The following TANC2 variants were observed in gnomAD, a reference collection of about 807,000 sequenced individuals.
The protein encoded by TANC2 is tetratricopeptide repeat, ankyrin repeat and coiled-coil containing 2, also known as protein TANC2.
In TANC2, 26 loss-of-function variants were observed where a neutral mutation model predicts 210.5. The observed-to-expected ratio is 0.12, with a 90% confidence interval of 0.09 to 0.17. The LOEUF (loss-of-function observed/expected upper bound fraction) is 0.17, where lower values mean the gene tolerates loss of function less well. Ranked by LOEUF, TANC2 falls within the 10% of genes least tolerant of loss-of-function variation. The pLI, the probability that TANC2 is intolerant of heterozygous loss-of-function variation, is 1.00. For synonymous variants in TANC2, 931 were observed against 967.1 expected (o/e 0.96, Z 0.69); for missense variants, 2,129 against 2,608.9 (o/e 0.82, Z 4.01).
chr17:63,120,483 G>C (rs1005893968), intron 4 of TANC2, among the ~76,000 whole-genome samples: 1 of 152,020 alleles, frequency 6.6e-6, no homozygotes, highest in African/African-American at 2.4e-5. Context: ...TTTCAAACTA[G>C]TTTGACAACT....
chr17:63,097,100 G>GCAC (rs2037416247), intron 3 of TANC2, among the ~76,000 whole-genome samples: 1 of 151,700 alleles, frequency 6.6e-6, no homozygotes, highest in Non-Finnish European at 1.5e-5. Flanking sequence ...GAGTGCAGTG[G>GCAC]TGTGATCATG....
In TANC2 at chr17:63,314,600, G is replaced by A. The variant is rs2045254146; in HGVS notation, c.1372G>A (p.Val458Met). The A allele has an allele frequency of 6.2e-7, 1 of 1,613,982 alleles. No homozygotes were observed. Among genetic ancestry groups the A allele is most frequent in the Non-Finnish European group, 8.5e-7 (1 of 1,179,872 alleles). ...CAAAACTGCCATCATCTCCAGACTGGTGGCCCTCAGCTGCCATGGTACAAG... is the reference window on the plus strand; with the variant it reads ...CAAAACTGCCATCATCTCCAGACTGATGGCCCTCAGCTGCCATGGTACAAG... Residue 458 changes from valine to methionine, a missense_variant, in exon 10 of 28, where the codon GTG becomes ATG. Physicochemically the swap from Val to Met is conservative, Grantham distance 21. Transcript: ENST00000689528.
intron 7 of TANC2, among the ~76,000 whole-genome samples, chr17:63,226,243 T>C (rs1031763564): frequency 2.6e-5 from 4 of 152,226 alleles, no homozygotes; most frequent in South Asian, 2.1e-4. Context: ...TGGCAACACC[T>C]TACTGTAATG....
At chr17:63,350,591 G>A (rs951756948) in intron 12 of TANC2, among the ~76,000 whole-genome samples, 2 of 152,154 alleles carry the variant, frequency 1.3e-5, no homozygotes, top group African/African-American at 4.8e-5. Flanking sequence ...TTTTCCACTT[G>A]ACTCCTCCAC....
intron 15 of TANC2, among the ~76,000 whole-genome samples, chr17:63,382,616 T>C (rs575473609): frequency 4.6e-5 from 7 of 152,274 alleles, no homozygotes; most frequent in Middle Eastern, 3.4e-3. Context: ...TCAAATATTT[T>C]TCTTTATTTT....
intron 3 of TANC2, among the ~76,000 whole-genome samples, chr17:63,076,916 C>T (rs2036591510): frequency 6.6e-6 from 1 of 152,006 alleles, no homozygotes; most frequent in African/African-American, 2.4e-5. Context: ...AGGATCAGTC[C>T]AGGAATTTCA....
chr17:63,422,272 A>G (rs549655149), exon 28 of TANC2: 15 of 254,778 alleles, frequency 5.9e-5, no homozygotes, highest in Admixed American at 1.5e-4. Flanking sequence ...CCAGGAGACA[A>G]TCGCTTTCAC....
chr17:63,383,273 G>C (rs1438151176), intron 15 of TANC2, among the ~76,000 whole-genome samples: 1 of 152,020 alleles, frequency 6.6e-6, no homozygotes, highest in Admixed American at 6.6e-5. Context: ...TGTCGATTTT[G>C]CCAAATGCAT....
exon 28 of TANC2, chr17:63,427,191 CTCTGT>C (rs1335712428): frequency 1.3e-5 from 2 of 152,262 alleles, no homozygotes; most frequent in African/African-American, 4.8e-5. Context: ...GCATCTTTGT[CTCTGT>C]TCTGTCTCCT....
At chr17:63,135,259 C>G (rs576392847) in intron 4 of TANC2, among the ~76,000 whole-genome samples, 7 of 152,136 alleles carry the variant, frequency 4.6e-5, no homozygotes, top group Non-Finnish European at 8.8e-5. Context: ...CATCTTGCCT[C>G]ATACCTTACA....
intron 2 of TANC2, among the ~76,000 whole-genome samples, chr17:63,046,325 CTTTTTTTTT>C (rs57550590): frequency 1.4e-4 from 6 of 44,142 alleles, no homozygotes; most frequent in African/African-American, 3.5e-4. Flanking sequence ...ACACCCAGCT[CTTTTTTTTT>C]TTTTTTTTTT....
chr17:63,354,852 C>A (rs1462951631), exon 14 of TANC2: 1 of 1,613,142 alleles, frequency 6.2e-7, no homozygotes, highest in Non-Finnish European at 8.5e-7. Flanking sequence ...AGCCATAGAC[C>A]AGGACCTGCA....
chr17:62,979,304 T>C (rs2032183572), intron 1 of TANC2, among the ~76,000 whole-genome samples: 1 of 152,142 alleles, frequency 6.6e-6, no homozygotes, highest in Non-Finnish European at 1.5e-5. Flanking sequence ...CTGACCCCAG[T>C]TTTTTCTCTT....
chr17:63,204,441 A>G (rs199769043), intron 7 of TANC2, among the ~76,000 whole-genome samples: 1 of 91,782 alleles, frequency 1.1e-5, no homozygotes, highest in Non-Finnish European at 2.5e-5. Flanking sequence ...ATCAATCTCT[A>G]TCACAATCCC....
intron 9 of TANC2, among the ~76,000 whole-genome samples, chr17:63,273,744 C>G (rs1378258945): frequency 6.6e-6 from 1 of 152,198 alleles, no homozygotes; most frequent in Non-Finnish European, 1.5e-5. Flanking sequence ...GAGACTATTG[C>G]AGTAGGCGAG....
At chr17:62,992,277 C>T (rs1254300431) in intron 1 of TANC2, among the ~76,000 whole-genome samples, 2 of 152,164 alleles carry the variant, frequency 1.3e-5, no homozygotes, top group Non-Finnish European at 2.9e-5. Context: ...AGCAATCTAA[C>T]TAGAAACCTT....
chr17:63,330,225 G>A (rs897023032), intron 11 of TANC2, among the ~76,000 whole-genome samples: 1 of 152,134 alleles, frequency 6.6e-6, no homozygotes, highest in African/African-American at 2.4e-5. Flanking sequence ...GAGTTTGAAG[G>A]TAACAGAGGT....
chr17:63,153,286 A>G (rs931406676), intron 5 of TANC2: 1 of 152,184 alleles, frequency 6.6e-6, no homozygotes, highest in Non-Finnish European at 1.5e-5. Context: ...CACATAGGAT[A>G]TACTAACACC....
intron 7 of TANC2, among the ~76,000 whole-genome samples, chr17:63,210,415 C>T (rs117360511): frequency 0.012 from 1,790 of 152,190 alleles, 16 homozygotes; most frequent in Middle Eastern, 0.024. Flanking sequence ...CTCTGGATTT[C>T]CGCACTATCT....
Sources: gnomAD v4.1 joint callset for allele counts (sites outside exome capture counted in the v4.1 genomes callset) on GRCh38, gnomAD v4.1.1 for gene constraint, MANE v1.5 for transcripts, NCBI Gene and HGNC (gene_info 2026-07-23, HGNC 2026-07-21) for gene names.